Variants in GALNTL6 observed in about 807,000 individuals in gnomAD.
The protein encoded by GALNTL6 is polypeptide N-acetylgalactosaminyltransferase like 6, also known as polypeptide N-acetylgalactosaminyltransferase-like 6.
Under a neutral mutation model 73.7 loss-of-function variants are expected in GALNTL6, and 46 were observed. The ratio of observed to expected loss-of-function variants is 0.62; its 90% CI spans 0.49 to 0.80. The LOEUF (loss-of-function observed/expected upper bound fraction) is 0.80. GALNTL6 is among the 30% of genes least tolerant of loss of function. GALNTL6 has a pLI of 0.00. For missense variants in GALNTL6, 604 were observed against 755.0 expected (o/e 0.80, Z 2.34); for synonymous variants, 259 against 263.7 (o/e 0.98, Z 0.17).
chr4:172,063,051 A>G (rs939826222), intron 2 of GALNTL6, among the ~76,000 whole-genome samples: 3 of 152,224 alleles, frequency 2.0e-5, no homozygotes, highest in African/African-American at 7.2e-5. Flanking sequence ...TGTTGGCACC[A>G]GAGTAAGTCT....
chr4:172,651,518 G>A (rs1560857575), intron 5 of GALNTL6, among the ~76,000 whole-genome samples: 1 of 152,136 alleles, frequency 6.6e-6, no homozygotes, highest in Non-Finnish European at 1.5e-5. Context: ...TCCTCAACTA[G>A]TAAATGCATA....
rs760055738 is a variant in GALNTL6, at chr4:172,311,634, C to T, written c.268C>T (p.Pro90Ser). 1.2e-6 allele frequency: 2 copies of T among 1,608,106 alleles called. No homozygotes were observed. Among genetic ancestry groups the T allele is most frequent in the African/African-American group, 2.7e-5 (2 of 74,738 alleles). ...GCTAGGGAAAGGTGAACATGGGAAA[C>T]CTTACCCCCTTACTGAAGAGGACCA... ...MRSGKGEHGKPYPLTEEDHDD... is the reference protein window; with the variant it reads ...MRSGKGEHGKSYPLTEEDHDD... The change falls in exon 4 of 13, where the codon CCT becomes TCT. Residue 90 changes from proline (P) to serine (S), a missense_variant. Physicochemically the swap from Pro to Ser is moderately conservative, Grantham distance 74. Coordinates refer to ENST00000506823, the MANE Select transcript of GALNTL6 (RefSeq NM_001034845.3).
chr4:173,027,763 C>A (rs1753292519), intron 12 of GALNTL6, among the ~76,000 whole-genome samples: 2 of 152,100 alleles, frequency 1.3e-5, no homozygotes, highest in Non-Finnish European at 1.5e-5. Context: ...ATAAAACAGT[C>A]CATTCGTAGA....
At chr4:172,812,622 A>AT in intron 6 of GALNTL6, among the ~76,000 whole-genome samples, 1 of 151,820 alleles carries the variant, frequency 6.6e-6, no homozygotes, top group East Asian at 1.9e-4. Context: ...AAAAAAAAAA[A>AT]TCACCTCTCT....
At chr4:172,808,878 A>G (rs1248760423) in intron 5 of GALNTL6, among the ~76,000 whole-genome samples, 2 of 152,092 alleles carry the variant, frequency 1.3e-5, no homozygotes, top group East Asian at 1.9e-4. Flanking sequence ...CTTCTGGGGG[A>G]AAAAATCTGT....
chr4:172,272,879 A>G (rs980527427), intron 3 of GALNTL6, among the ~76,000 whole-genome samples: 1 of 152,284 alleles, frequency 6.6e-6, no homozygotes, highest in Admixed American at 6.5e-5. Context: ...ATAATGTAAG[A>G]AAGAAGGGAG....
intron 2 of GALNTL6, among the ~76,000 whole-genome samples, chr4:171,939,301 T>G (rs983152930): frequency 2.0e-5 from 3 of 152,012 alleles, no homozygotes; most frequent in Admixed American, 1.3e-4. Context: ...TTTTTTTTGA[T>G]AAGCCATCAA....
chr4:172,974,755 G>A (rs1750731565), intron 10 of GALNTL6, among the ~76,000 whole-genome samples: 1 of 152,254 alleles, frequency 6.6e-6, no homozygotes, highest in African/African-American at 2.4e-5. Context: ...GGGTGTGTGA[G>A]TGAGTACAGG....
intron 5 of GALNTL6, chr4:172,668,726 A>G (rs1200831070): frequency 1.3e-5 from 2 of 152,208 alleles, no homozygotes; most frequent in Admixed American, 1.3e-4. Context: ...CATTGAAAGT[A>G]ACAGAAAAAG....
intron 12 of GALNTL6, among the ~76,000 whole-genome samples, chr4:173,028,480 G>A (rs1753323401): frequency 6.6e-6 from 1 of 151,900 alleles, no homozygotes; most frequent in African/African-American, 2.4e-5. Flanking sequence ...CCCTCTTTCT[G>A]TACTCCTATA....
intron 5 of GALNTL6, among the ~76,000 whole-genome samples, chr4:172,379,253 G>A (rs1161176765): frequency 2.0e-5 from 3 of 152,188 alleles, no homozygotes; most frequent in Admixed American, 6.5e-5. Context: ...AGGTTAGGCC[G>A]GGCGCGGTGG....
intron 2 of GALNTL6, among the ~76,000 whole-genome samples, chr4:171,980,848 A>G (rs1185604784): frequency 6.6e-6 from 1 of 152,248 alleles, no homozygotes. Context: ...AAAATGAAAT[A>G]TTCCTAACTG....
chr4:172,797,767 G>A (rs1340946235), intron 5 of GALNTL6, among the ~76,000 whole-genome samples: 2 of 151,412 alleles, frequency 1.3e-5, no homozygotes, highest in African/African-American at 4.9e-5. Context: ...TCGAACTCCT[G>A]ACCTCAGGTG....
chr4:171,890,229 T>A (rs937470219), intron 2 of GALNTL6, among the ~76,000 whole-genome samples: 2 of 152,098 alleles, frequency 1.3e-5, no homozygotes, highest in South Asian at 2.1e-4. Flanking sequence ...TTCCAAGACC[T>A]GCAAAGTCAA....
At chr4:172,870,988 T>C (rs758487095) in intron 7 of GALNTL6, among the ~76,000 whole-genome samples, 11 of 152,208 alleles carry the variant, frequency 7.2e-5, no homozygotes, top group Non-Finnish European at 1.5e-4. Flanking sequence ...TTTTCAAACA[T>C]GTTTTGTTCA....
intron 2 of GALNTL6, among the ~76,000 whole-genome samples, chr4:171,981,771 T>C (rs1739903455): frequency 6.6e-6 from 1 of 152,104 alleles, no homozygotes; most frequent in African/African-American, 2.4e-5. Context: ...CATTTTTCTT[T>C]TTAAATTTAG....
chr4:172,233,764 A>G lies in GALNTL6; in HGVS notation c.247+4000A>G, dbSNP rs1737151033. Among the ~76,000 whole-genome samples, 3 of 152,160 alleles carry G rather than the reference A, an allele frequency of 2.0e-5. No homozygotes were observed. In the South Asian group the frequency reaches 6.2e-4, roughly 32 times the overall value. The stretch of plus-strand genomic sequence containing the variant: ...TTCTTACATTGTACTCTTCCTTAAA[A>G]TTTTGTATTCGGTTTTAAATTTCAC... On this transcript the variant is annotated intron_variant, in intron 3 of 12. Transcript: ENST00000506823.
At chr4:171,890,182 A>G (rs529803757) in intron 2 of GALNTL6, among the ~76,000 whole-genome samples, 3 of 152,202 alleles carry the variant, frequency 2.0e-5, no homozygotes. Flanking sequence ...GCTGAGGTCT[A>G]TTTTTCCAGG....
chr4:172,380,309 T>G (rs1743232932), intron 5 of GALNTL6: 2 of 742,020 alleles, frequency 2.7e-6, no homozygotes, highest in African/African-American at 3.4e-5. Context: ...TGGGTATTCT[T>G]CTGGAAGAAA....
Sources: allele counts gnomAD v4.1 joint callset (sites outside exome capture counted in the v4.1 genomes callset), GRCh38; gene constraint gnomAD v4.1.1; transcripts MANE v1.5; gene names NCBI Gene and HGNC (gene_info 2026-07-23, HGNC 2026-07-21).